The following TFEC variants were observed in gnomAD, a reference collection of about 807,000 sequenced individuals.
The protein encoded by TFEC is class E basic helix-loop-helix protein 34.
TFEC carries 31 observed loss-of-function variants against 41.6 expected under a neutral mutation model. The ratio of observed to expected loss-of-function variants is 0.74; its 90% CI spans 0.56 to 1.01. The LOEUF is 1.01. Among genes scored for constraint, TFEC ranks in the 50% least tolerant of loss-of-function variants. The pLI is 0.00. For missense variants in TFEC, 402 were observed against 404.1 expected, an observed-to-expected ratio of 0.99 and a Z score of 0.04; for synonymous variants, 143 against 140.6, an observed-to-expected ratio of 1.02 and a Z score of -0.12.
chr7:116,119,553 A>G (rs1798064906), intron 1 of TFEC, among the ~76,000 whole-genome samples: 1 of 151,838 alleles, frequency 6.6e-6, no homozygotes, highest in Non-Finnish European at 1.5e-5. Flanking sequence ...TGAATTATAC[A>G]CTTTAAAAGT....
At chr7:116,085,349 C>A (rs567345074) in intron 3 of TFEC, among the ~76,000 whole-genome samples, 11 of 151,914 alleles carry the variant, frequency 7.2e-5, no homozygotes, top group African/African-American at 2.7e-4. Flanking sequence ...AGTTTTTAAA[C>A]CAAGAGAGAA....
intron 1 of TFEC, among the ~76,000 whole-genome samples, chr7:116,153,400 A>C (rs1485762996): frequency 2.0e-5 from 3 of 152,076 alleles, no homozygotes; most frequent in Non-Finnish European, 2.9e-5. Flanking sequence ...ATCTACAGGC[A>C]TGAGCCACCA....
In TFEC at chr7:116,097,724, C is replaced by T. The variant is rs145979770; in HGVS notation, c.198+12984G>A. On this transcript the variant is annotated intron_variant, in intron 3 of 8. Transcript: ENST00000484212. ...TTTTGTATTTGATATTTTTAAACCA[C>T]GGTTAACCATGGATAACCGAAAACA... Among the ~76,000 whole-genome samples the T allele has an allele frequency of 1.7e-3, 260 of 152,110 alleles. 1 individual carries two copies. Among genetic ancestry groups the T allele is most frequent in the African/African-American group, 6.0e-3 (248 of 41,482 alleles).
At chr7:115,959,541 T>G (rs1584587713) in intron 3 of TFEC, among the ~76,000 whole-genome samples, 1 of 151,596 alleles carries the variant, frequency 6.6e-6, no homozygotes, top group Non-Finnish European at 1.5e-5. Flanking sequence ...TCAAAATATT[T>G]GAGGAAAATG....
intron 3 of TFEC, among the ~76,000 whole-genome samples, chr7:116,075,353 C>A (rs563381241): frequency 6.6e-6 from 1 of 152,260 alleles, no homozygotes; most frequent in Admixed American, 6.5e-5. Flanking sequence ...CCAAGAACTA[C>A]TGGAGAGAAA....
intron 3 of TFEC, among the ~76,000 whole-genome samples, chr7:116,052,584 AC>A (rs1435415708): frequency 6.6e-6 from 1 of 151,730 alleles, no homozygotes; most frequent in Non-Finnish European, 1.5e-5. Flanking sequence ...ACATGCCACC[AC>A]GCCCTTCTAA....
chr7:115,989,292 CCAAA>C (rs1793997664), intron 1 of TFEC, among the ~76,000 whole-genome samples: 1 of 152,082 alleles, frequency 6.6e-6, no homozygotes, highest in Admixed American at 6.5e-5. Context: ...TCCAAGATGG[CCAAA>C]TAGGAGCAGC....
chr7:116,119,730 C>G lies in TFEC; in HGVS notation c.-68-7692G>C, dbSNP rs1028137838. On this transcript the variant is annotated intron_variant, in intron 1 of 8. Coordinates refer to the TFEC transcript ENST00000484212. ...CTAGAGGGTAATTACATTTTATTTA[C>G]CAAAATCCAGTTATTATATTTTTTA... Among the ~76,000 whole-genome samples the G allele has an allele frequency of 5.3e-5, 8 of 151,586 alleles. No homozygotes were observed. In the East Asian group the frequency reaches 1.6e-3, roughly 29 times the overall value.
intron 3 of TFEC, among the ~76,000 whole-genome samples, chr7:115,966,120 T>C (rs1420282138): frequency 1.3e-5 from 2 of 151,732 alleles, no homozygotes; most frequent in Non-Finnish European, 2.9e-5. Context: ...CTAAAATCTT[T>C]CTGCCTTAAC....
chr7:116,003,772 A>G (rs1794687105), intron 1 of TFEC, among the ~76,000 whole-genome samples: 2 of 152,182 alleles, frequency 1.3e-5, no homozygotes, highest in Non-Finnish European at 2.9e-5. Context: ...ATTTTAAAAA[A>G]TCATACAATA....
At chr7:115,994,688 C>T (rs1230009888) in intron 1 of TFEC, among the ~76,000 whole-genome samples, 4 of 152,214 alleles carry the variant, frequency 2.6e-5, no homozygotes, top group Middle Eastern at 3.4e-3. Flanking sequence ...TTTAAAAAGT[C>T]AGGAAACGAC....
chr7:116,038,364 C>A (rs1447002121), intron 3 of TFEC, among the ~76,000 whole-genome samples: 3 of 152,060 alleles, frequency 2.0e-5, no homozygotes, highest in African/African-American at 7.2e-5. Flanking sequence ...ATTTTTGCCA[C>A]TACCTAAAAC....
At chr7:115,950,596 T>C (rs577372815) in intron 6 of TFEC, among the ~76,000 whole-genome samples, 2 of 152,256 alleles carry the variant, frequency 1.3e-5, no homozygotes, top group South Asian at 4.1e-4. Flanking sequence ...TCACTAAATT[T>C]GACAATATTG....
intron 1 of TFEC, among the ~76,000 whole-genome samples, chr7:116,001,969 A>G (rs1008067629): frequency 1.3e-5 from 2 of 152,208 alleles, no homozygotes; most frequent in Admixed American, 1.3e-4. Context: ...CAAAACTACA[A>G]TGAGACATAA....
At chr7:116,017,438 G>A (rs1442564347) in intron 1 of TFEC, among the ~76,000 whole-genome samples, 1 of 152,080 alleles carries the variant, frequency 6.6e-6, no homozygotes, top group African/African-American at 2.4e-5. Flanking sequence ...TGGCCGGCTG[G>A]TCTCGAACTC....
intron 5 of TFEC, among the ~76,000 whole-genome samples, chr7:115,951,869 T>C (rs1791961820): frequency 6.6e-6 from 1 of 152,072 alleles, no homozygotes; most frequent in East Asian, 1.9e-4. Flanking sequence ...ATTTCCTGTA[T>C]TACTCTTCTC....
intron 3 of TFEC, chr7:116,110,682 G>A (rs747941763): frequency 1.6e-4 from 201 of 1,269,454 alleles, no homozygotes; most frequent in Middle Eastern, 2.0e-4. Context: ...TAGAAATTAC[G>A]GCTGTATATG....
At chr7:115,957,479 GA>G (rs1397564793) in intron 3 of TFEC, among the ~76,000 whole-genome samples, 15 of 151,830 alleles carry the variant, frequency 9.9e-5, no homozygotes, top group Non-Finnish European at 1.9e-4. Context: ...CAATTTTTCA[GA>G]AAACCTAAGT....
At chr7:116,150,782 T>C (rs544299356) in intron 1 of TFEC, among the ~76,000 whole-genome samples, 1 of 152,314 alleles carries the variant, frequency 6.6e-6, no homozygotes, top group African/African-American at 2.4e-5. Flanking sequence ...CATGTTCTTA[T>C]ATTAGCATTC....
Sources: gnomAD v4.1 joint callset for allele counts (sites outside exome capture counted in the v4.1 genomes callset) on GRCh38, gnomAD v4.1.1 for gene constraint, MANE v1.5 for transcripts, NCBI Gene and HGNC (gene_info 2026-07-23, HGNC 2026-07-21) for gene names.